The following AFF2 variants were observed in gnomAD, a reference collection of about 807,000 sequenced individuals.
AFF2 encodes AF4/FMR2 family member 2.
Under a neutral mutation model 76.9 loss-of-function variants are expected in AFF2, and 14 were observed. The observed-to-expected ratio is 0.18, with a 90% confidence interval of 0.12 to 0.28. The LOEUF is 0.28. Ranked by LOEUF, AFF2 falls within the 10% of genes least tolerant of loss-of-function variation. The pLI, the probability that AFF2 is intolerant of heterozygous loss-of-function variation, is 1.00. For synonymous variants in AFF2, 398 were observed against 366.7 expected, an observed-to-expected ratio of 1.09 and a Z score of -0.98; for missense variants, 868 against 1,001.1, an observed-to-expected ratio of 0.87 and a Z score of 1.79.
At chrX:148,734,879 T>C (rs1214102989) in intron 3 of AFF2, among the ~76,000 whole-genome samples, 4 of 112,102 alleles carry the variant, frequency 3.6e-5, no homozygotes, top group African/African-American at 1.3e-4. Flanking sequence ...AAAGATCATC[T>C]AGCATGTCTG....
At chrX:148,548,223 T>TA (rs2052947733) in intron 1 of AFF2, among the ~76,000 whole-genome samples, 1 of 111,816 alleles carries the variant, frequency 8.9e-6, no homozygotes, top group Admixed American at 9.5e-5. Flanking sequence ...CCTATGGCCC[T>TA]TGGACAATAC....
chrX:148,878,063 A>G (rs1186603129), intron 7 of AFF2, among the ~76,000 whole-genome samples: 1 of 111,570 alleles, frequency 9.0e-6, no homozygotes, highest in African/African-American at 3.3e-5. Context: ...TCCAAAAGGA[A>G]TTCTGCCTTT....
intron 3 of AFF2, among the ~76,000 whole-genome samples, chrX:148,673,211 G>T: frequency 8.9e-6 from 1 of 111,981 alleles, no homozygotes; most frequent in Non-Finnish European, 1.9e-5. Context: ...TCTGAAAAAT[G>T]TGCAAGACTC....
intron 1 of AFF2, among the ~76,000 whole-genome samples, chrX:148,637,693 C>T (rs1786478672): frequency 8.9e-6 from 1 of 111,784 alleles, no homozygotes; most frequent in African/African-American, 3.3e-5. Flanking sequence ...ATTATTAATG[C>T]TATATTTAAT....
Position 148,583,962 on chromosome X carries a change from A to G in AFF2, c.48-68037A>G, listed in dbSNP as rs781936254. Among the ~76,000 whole-genome samples, 94 of 112,490 alleles carry G rather than the reference A, an allele frequency of 8.4e-4. No individual in the cohort carries two copies. The Middle Eastern group carries it at 0.014, about 17-fold the overall frequency. On this transcript the variant is annotated intron_variant, in intron 1 of 20. Transcript: ENST00000370460. ...GACATATAGTTTGAAGATTGTGTGC[A>G]AAAATCACTTACATTAGCTCTTAGT... is the stretch of plus-strand genomic sequence containing the variant.
intron 1 of AFF2, among the ~76,000 whole-genome samples, chrX:148,639,049 G>T (rs781957716): frequency 8.9e-6 from 1 of 111,970 alleles, no homozygotes; most frequent in Non-Finnish European, 1.9e-5. Context: ...GTTTTGCCCT[G>T]CATTACCTGA....
chrX:148,865,943 G>A (rs782702247), intron 7 of AFF2, among the ~76,000 whole-genome samples: 2 of 111,892 alleles, frequency 1.8e-5, no homozygotes, highest in East Asian at 5.7e-4. Context: ...GATAATTCTG[G>A]CCTCGATAAA....
chrX:148,979,877 C>T (rs2072371254), intron 18 of AFF2, among the ~76,000 whole-genome samples: 1 of 112,289 alleles, frequency 8.9e-6, no homozygotes. Flanking sequence ...CCTGACCCTC[C>T]TTTCGCAAAG....
Position 148,996,957 on chromosome X carries a change from G to T in AFF2, c.*5625G>T, listed in dbSNP as rs1466768253. 2 of 112,162 alleles carry T rather than the reference G, an allele frequency of 1.8e-5. No homozygotes were observed. Among genetic ancestry groups the T allele is most frequent in the Non-Finnish European group, 3.8e-5 (2 of 53,204 alleles). 9.2% of individuals were successfully genotyped at this position (112,162 alleles called of 1,213,427 possible). On this transcript the variant is annotated 3_prime_UTR_variant, in exon 21 of 21. Coordinates refer to ENST00000370460, the MANE Select transcript of AFF2 (RefSeq NM_002025.4). ...ATAAAGTATTTACGGGAACTCTATGGAGAATAGCACAATCCAGAATTTACT... is the reference window on the plus strand; with the variant it reads ...ATAAAGTATTTACGGGAACTCTATGTAGAATAGCACAATCCAGAATTTACT...
At chrX:148,645,228 C>T (rs1314717403) in intron 1 of AFF2, among the ~76,000 whole-genome samples, 1 of 111,805 alleles carries the variant, frequency 8.9e-6, no homozygotes, top group Non-Finnish European at 1.9e-5. Context: ...ATCGCTTTAT[C>T]AGGGTGTCAG....
Position 148,976,119 on chromosome X carries a change from C to A in AFF2, c.3405-1814C>A, listed in dbSNP as rs781896046. Among the ~76,000 whole-genome samples the A allele has an allele frequency of 5.4e-5, 6 of 110,644 alleles. No homozygotes were observed. The East Asian group carries it at 1.4e-3, about 26-fold the overall frequency. On this transcript the variant is annotated intron_variant, in intron 16 of 20. Transcript: ENST00000370460. ...TTTTACTTCCCATAGAAGTTTATTT[C>A]AATGAAATCTGAAAGTCAATGGAGA...
At chrX:148,623,060 A>G (rs981145836) in intron 1 of AFF2, among the ~76,000 whole-genome samples, 1 of 111,685 alleles carries the variant, frequency 9.0e-6, no homozygotes, top group Non-Finnish European at 1.9e-5. Flanking sequence ...GGAATTGCCC[A>G]GAGATTAAGA....
intron 7 of AFF2, among the ~76,000 whole-genome samples, chrX:148,878,727 C>T (rs781913661): frequency 1.8e-5 from 2 of 111,880 alleles, no homozygotes; most frequent in East Asian, 5.6e-4. Context: ...TTTTCAGGCC[C>T]AGGTTGATCT....
chrX:148,926,337 T>G (rs782450239), intron 9 of AFF2, among the ~76,000 whole-genome samples: 5 of 112,145 alleles, frequency 4.5e-5, no homozygotes, highest in Non-Finnish European at 7.5e-5. Context: ...AAGAGCGACC[T>G]AAACACATCA....
chrX:148,805,829 C>T (rs1185364085), intron 3 of AFF2, among the ~76,000 whole-genome samples: 1 of 112,462 alleles, frequency 8.9e-6, no homozygotes. Flanking sequence ...CTGATGTGCA[C>T]CTCCCTTCCC....
chrX:148,787,347 T>A (rs1178609673), intron 3 of AFF2, among the ~76,000 whole-genome samples: 1 of 111,666 alleles, frequency 9.0e-6, no homozygotes, highest in African/African-American at 3.3e-5. Context: ...TGTGTATACA[T>A]ACGTTTATTT....
chrX:148,914,382 A>G (rs782266624), intron 9 of AFF2, among the ~76,000 whole-genome samples: 1 of 111,895 alleles, frequency 8.9e-6, no homozygotes, highest in South Asian at 3.8e-4. Context: ...GTGCCAGTAT[A>G]CCTAAAGCAT....
chrX:148,933,423 A>T (rs1557284611), intron 9 of AFF2, among the ~76,000 whole-genome samples: 1 of 111,701 alleles, frequency 9.0e-6, no homozygotes, highest in East Asian at 2.8e-4. Flanking sequence ...GAATTATGTC[A>T]TAATGGGATC....
intron 4 of AFF2, among the ~76,000 whole-genome samples, chrX:148,823,462 C>T (rs1187410340): frequency 8.9e-6 from 1 of 111,745 alleles, no homozygotes; most frequent in Non-Finnish European, 1.9e-5. Context: ...TTCAGTTCCT[C>T]ATCCATTTCA....
Sources: gnomAD v4.1 joint callset for allele counts (sites outside exome capture counted in the v4.1 genomes callset) on GRCh38, gnomAD v4.1.1 for gene constraint, MANE v1.5 for transcripts, NCBI Gene and HGNC (gene_info 2026-07-23, HGNC 2026-07-21) for gene names.